Variants in PDE4B observed in about 807,000 individuals in gnomAD.
The protein encoded by PDE4B is phosphodiesterase 4B, also known as 3',5'-cyclic-AMP phosphodiesterase 4B.
A neutral mutation model predicts 82.2 loss-of-function variants in PDE4B; 20 were observed. The ratio of observed to expected loss-of-function variants is 0.24; its 90% CI spans 0.17 to 0.35. PDE4B has a LOEUF of 0.35. Ranked by LOEUF, PDE4B falls within the 10% of genes least tolerant of loss-of-function variation. The pLI is 1.00. For synonymous variants in PDE4B, 320 were observed against 318.9 expected (o/e 1.00, Z -0.04); for missense variants, 655 against 907.2 (o/e 0.72, Z 3.57).
rs199692038 is a variant in PDE4B, at chr1:66,290,025, A to C, written c.634+23938A>C. Among the ~76,000 whole-genome samples the C allele has an allele frequency of 3.8e-4, 58 of 152,330 alleles. 2 individuals carry two copies. In the East Asian group the frequency reaches 0.011, roughly 28 times the overall value. Reference sequence around the variant, plus strand: ...GAGTGAGTATTAATGCCAATGACTAAGTTGAAAATGTTAAAAGAGGGAACA... The same window carrying C: ...GAGTGAGTATTAATGCCAATGACTACGTTGAAAATGTTAAAAGAGGGAACA... On this transcript the variant is annotated intron_variant, in intron 7 of 16. Transcript: ENST00000341517.
chr1:66,170,966 G>T (rs1215373054), intron 3 of PDE4B, among the ~76,000 whole-genome samples: 1 of 152,180 alleles, frequency 6.6e-6, no homozygotes, highest in Non-Finnish European at 1.5e-5. Flanking sequence ...TGCTCTGAAT[G>T]TCAAGGCTTT....
At chr1:66,357,814 G>A (rs749087714) in intron 9 of PDE4B, among the ~76,000 whole-genome samples, 121 of 151,984 alleles carry the variant, frequency 8.0e-4, no homozygotes, top group Non-Finnish European at 1.4e-3. Context: ...TGGGAACACT[G>A]GTATAGATGA....
chr1:66,245,381 TTCACTTTTTAAGA>T (rs1653225987), intron 3 of PDE4B, among the ~76,000 whole-genome samples: 1 of 152,238 alleles, frequency 6.6e-6, no homozygotes, highest in South Asian at 2.1e-4. Context: ...TAATCCCCTC[TTCACTTTTTAAGA>T]ACCTACCTAC....
chr1:66,275,839 A>G lies in PDE4B; in HGVS notation c.634+9752A>G, dbSNP rs550463114. Among the ~76,000 whole-genome samples, 8 of 152,274 alleles carry G rather than the reference A, an allele frequency of 5.3e-5. No homozygotes were observed. In the South Asian group the frequency reaches 1.7e-3, roughly 32 times the overall value. ...GAGAACAGGCAACAGAACTCACTGGATCTTTTTCTTGGTTTATTGTCTTGA... is the reference window on the plus strand; with the variant it reads ...GAGAACAGGCAACAGAACTCACTGGGTCTTTTTCTTGGTTTATTGTCTTGA... On this transcript the variant is annotated intron_variant, in intron 7 of 16. Coordinates refer to ENST00000341517, the MANE Select transcript of PDE4B (RefSeq NM_002600.4).
At chr1:66,350,213 T>G (rs373108228) in intron 8 of PDE4B, among the ~76,000 whole-genome samples, 3 of 151,962 alleles carry the variant, frequency 2.0e-5, no homozygotes, top group Non-Finnish European at 4.4e-5. Flanking sequence ...CAAAAGTTAG[T>G]CCCTAATAAA....
At chr1:66,029,961 A>C (rs1003501238) in intron 3 of PDE4B, among the ~76,000 whole-genome samples, 1 of 151,744 alleles carries the variant, frequency 6.6e-6, no homozygotes, top group Admixed American at 6.6e-5. Flanking sequence ...GAAATCTCAG[A>C]TTAAGTGGGA....
At chr1:66,309,494 A>G (rs989321159) in intron 7 of PDE4B, among the ~76,000 whole-genome samples, 1 of 152,192 alleles carries the variant, frequency 6.6e-6, no homozygotes, top group African/African-American at 2.4e-5. Flanking sequence ...ATATGGTATG[A>G]TTCTTACTTG....
chr1:65,917,393 G>T (rs1647174705), intron 2 of PDE4B, among the ~76,000 whole-genome samples: 1 of 152,176 alleles, frequency 6.6e-6, no homozygotes, highest in African/African-American at 2.4e-5. Flanking sequence ...GTAATTTTCA[G>T]GTGAGAGACT....
rs1409776911 is a variant in PDE4B, at chr1:65,871,975, G to T, written c.-70-41270G>T. Among the ~76,000 whole-genome samples the T allele has an allele frequency of 2.0e-5, 3 of 152,116 alleles. No individual in the cohort carries two copies. In the East Asian group the frequency reaches 5.8e-4, roughly 29 times the overall value. On this transcript the variant is annotated intron_variant, in intron 1 of 16. Transcript: ENST00000341517. ...TGTGAAAACTTAAGCATTGTACCAA[G>T]AATAAGATGTGAATGTGTTTTTTTA...
At chr1:66,059,207 C>T (rs1655460392) in intron 3 of PDE4B, among the ~76,000 whole-genome samples, 1 of 152,170 alleles carries the variant, frequency 6.6e-6, no homozygotes, top group African/African-American at 2.4e-5. Flanking sequence ...TCCTCATTTC[C>T]ATCTGAGACC....
chr1:66,175,524 T>G (rs1646915731), intron 3 of PDE4B, among the ~76,000 whole-genome samples: 1 of 152,228 alleles, frequency 6.6e-6, no homozygotes, highest in Admixed American at 6.5e-5. Context: ...TAGTCCCTGA[T>G]AGATACAGAC....
intron 3 of PDE4B, among the ~76,000 whole-genome samples, chr1:65,955,740 C>T (rs1649226388): frequency 6.6e-6 from 1 of 152,066 alleles, no homozygotes; most frequent in South Asian, 2.1e-4. Context: ...GCCCCAATTC[C>T]CTTTTGAACT....
At chr1:65,877,324 T>G (rs1646656250) in intron 1 of PDE4B, among the ~76,000 whole-genome samples, 1 of 152,166 alleles carries the variant, frequency 6.6e-6, no homozygotes, top group African/African-American at 2.4e-5. Context: ...ATTTAATAAA[T>G]GGTGCTGGGG....
intron 8 of PDE4B, among the ~76,000 whole-genome samples, chr1:66,342,551 A>G (rs1321332234): frequency 2.2e-5 from 3 of 137,744 alleles, no homozygotes. Context: ...CTCTAATTAA[A>G]AAAAAAAAAA....
At chr1:66,367,879 A>G (rs752874205) in intron 14 of PDE4B, 29 bp downstream of exon 14, 8 of 1,612,576 alleles carry the variant, frequency 5.0e-6, no homozygotes, top group Middle Eastern at 3.3e-4. Flanking sequence ...TACATTCCTC[A>G]CTTACTGCCA....
chr1:65,963,265 G>A (rs188982258), intron 3 of PDE4B, among the ~76,000 whole-genome samples: 312 of 152,260 alleles, frequency 2.0e-3, no homozygotes, highest in Admixed American at 3.3e-3. Flanking sequence ...ACAGTAGTGC[G>A]TTTGGCCCTG....
intron 3 of PDE4B, among the ~76,000 whole-genome samples, chr1:66,024,248 C>A (rs1300699612): frequency 6.6e-6 from 1 of 152,166 alleles, no homozygotes; most frequent in Middle Eastern, 3.4e-3. Context: ...TTCAGTAGGT[C>A]TCTTACCAAG....
intron 3 of PDE4B, among the ~76,000 whole-genome samples, chr1:66,020,317 CT>C (rs201929982): frequency 1.5e-4 from 23 of 148,604 alleles, no homozygotes; most frequent in East Asian, 3.9e-4. Context: ...ACTTTGAACT[CT>C]TTTTTTTTTA....
At chr1:65,948,135 G>C (rs867007249) in intron 3 of PDE4B, among the ~76,000 whole-genome samples, 1 of 151,478 alleles carries the variant, frequency 6.6e-6, no homozygotes, top group African/African-American at 2.4e-5. Flanking sequence ...ATGAACAAAG[G>C]GTTCTGCCAA....
Sources: allele counts gnomAD v4.1 joint callset (sites outside exome capture counted in the v4.1 genomes callset), GRCh38; gene constraint gnomAD v4.1.1; transcripts MANE v1.5; gene names NCBI Gene and HGNC (gene_info 2026-07-23, HGNC 2026-07-21).